ZNF407: variants seen among roughly 807,000 people sequenced by gnomAD.
The protein encoded by ZNF407 is zinc finger protein 407.
A neutral mutation model predicts 131.2 loss-of-function variants in ZNF407; 17 were observed. The ratio of observed to expected loss-of-function variants is 0.13; its 90% CI spans 0.09 to 0.19. The LOEUF (loss-of-function observed/expected upper bound fraction) is 0.19, where lower values mean the gene tolerates loss of function less well. Among genes scored for constraint, ZNF407 ranks in the 10% least tolerant of loss-of-function variants. The probability of loss-of-function intolerance (pLI) is 1.00; values close to 1 mark genes in which losing one functional copy is unlikely to be tolerated. For missense variants in ZNF407, 2,681 were observed against 2,830.6 expected (o/e 0.95, Z 1.20); for synonymous variants, 1,156 against 1,062.0 (o/e 1.09, Z -1.72).
Position 74,769,242 on chromosome 18 carries a change from G to A in ZNF407, c.4803-12186G>A, listed in dbSNP as rs182275058. On this transcript the variant is annotated intron_variant, in intron 3 of 8. Coordinates refer to ENST00000299687, the MANE Select transcript of ZNF407 (RefSeq NM_017757.3). ...ATTCTTTTATGGCCTACTGTCAAAT[G>A]ATTTAATATACCAAGCACATCTGTG... is the stretch of plus-strand genomic sequence containing the variant. 2.1e-4 allele frequency among the ~76,000 whole-genome samples: 32 copies of A among 152,278 alleles called. No homozygotes were observed. The East Asian group carries it at 5.2e-3, about 25-fold the overall frequency.
chr18:74,767,368 A>G (rs1969258885), intron 3 of ZNF407, among the ~76,000 whole-genome samples: 2 of 152,268 alleles, frequency 1.3e-5, no homozygotes, highest in Non-Finnish European at 2.9e-5. Context: ...GATGATGATG[A>G]TCTTCCGGAA....
intron 1 of ZNF407, among the ~76,000 whole-genome samples, chr18:74,608,553 G>T (rs1282417767): frequency 6.6e-6 from 1 of 151,998 alleles, no homozygotes; most frequent in Non-Finnish European, 1.5e-5. Flanking sequence ...CTCCATGTTG[G>T]CCAGGCGGGT....
chr18:74,980,727 A>AT (rs1490586462), intron 8 of ZNF407, among the ~76,000 whole-genome samples: 2 of 152,198 alleles, frequency 1.3e-5, no homozygotes, highest in East Asian at 1.9e-4. Context: ...GAGTGACATG[A>AT]TTTTTTTACA....
At chr18:74,957,859 C>A (rs2044122543) in intron 8 of ZNF407, among the ~76,000 whole-genome samples, 1 of 152,208 alleles carries the variant, frequency 6.6e-6, no homozygotes, top group Non-Finnish European at 1.5e-5. Flanking sequence ...AGCGGCAGCC[C>A]TCCAGGGTAA....
intron 4 of ZNF407, among the ~76,000 whole-genome samples, chr18:74,806,265 G>A (rs922236128): frequency 9.2e-5 from 14 of 152,184 alleles, no homozygotes; most frequent in African/African-American, 3.4e-4. Flanking sequence ...GGCTAATGTT[G>A]ATTGTCTTTA....
intron 4 of ZNF407, among the ~76,000 whole-genome samples, chr18:74,841,696 G>A (rs1360136742): frequency 6.6e-6 from 1 of 152,204 alleles, no homozygotes; most frequent in Non-Finnish European, 1.5e-5. Context: ...AAGAGAGAAA[G>A]GGATTTGTTT....
At chr18:74,884,870 G>A (rs1482417882) in intron 6 of ZNF407, among the ~76,000 whole-genome samples, 1 of 152,120 alleles carries the variant, frequency 6.6e-6, no homozygotes. Context: ...ATTGACTTAG[G>A]CAGTGGAGTT....
chr18:74,946,928 C>T (rs992158195), intron 8 of ZNF407, among the ~76,000 whole-genome samples: 3 of 152,140 alleles, frequency 2.0e-5, no homozygotes, highest in African/African-American at 7.2e-5. Context: ...GATAGACTTT[C>T]TGGTTAATAC....
intron 8 of ZNF407, among the ~76,000 whole-genome samples, chr18:74,980,411 T>C (rs1270423767): frequency 6.6e-6 from 1 of 152,018 alleles, no homozygotes; most frequent in Admixed American, 6.6e-5. Flanking sequence ...TTCAAGGGAT[T>C]CCCCTGCCTC....
chr18:74,924,860 A>G (rs546226195), intron 8 of ZNF407, among the ~76,000 whole-genome samples: 1 of 152,274 alleles, frequency 6.6e-6, no homozygotes, highest in East Asian at 1.9e-4. Flanking sequence ...TTACGGCTCA[A>G]GGAGCTTGTT....
chr18:74,823,006 G>A lies in ZNF407; in HGVS notation c.4877+41504G>A, dbSNP rs147170653. Among the ~76,000 whole-genome samples, 61 of 152,174 alleles carry A rather than the reference G, an allele frequency of 4.0e-4. 2 individuals carry two copies. In the East Asian group the frequency reaches 0.012, roughly 29 times the overall value. On this transcript the variant is annotated intron_variant, in intron 4 of 8. Coordinates refer to ENST00000299687, the MANE Select transcript of ZNF407 (RefSeq NM_017757.3). Reference sequence around the variant, plus strand: ...ACATCCCTTGTTAGTTGTATTCCTAGGTATTTTATTCTCTTTGTAGCGATT... The same window carrying A: ...ACATCCCTTGTTAGTTGTATTCCTAAGTATTTTATTCTCTTTGTAGCGATT...
intron 8 of ZNF407, among the ~76,000 whole-genome samples, chr18:75,060,856 C>T (rs1973625000): frequency 6.6e-6 from 1 of 152,202 alleles, no homozygotes; most frequent in Non-Finnish European, 1.5e-5. Flanking sequence ...TCACACTTTA[C>T]AGAGTTGCCT....
intron 4 of ZNF407, among the ~76,000 whole-genome samples, chr18:74,863,652 C>T (rs1018326788): frequency 6.6e-6 from 1 of 152,146 alleles, no homozygotes; most frequent in African/African-American, 2.4e-5. Flanking sequence ...AAGGATTTTT[C>T]AGACTGCAGC....
In ZNF407 at chr18:74,676,814, G is replaced by A. The variant is rs1337597753; in HGVS notation, c.4802+35692G>A. Among the ~76,000 whole-genome samples the A allele has an allele frequency of 5.3e-5, 8 of 152,230 alleles. No individual in the cohort carries two copies. In the South Asian group the frequency reaches 8.3e-4, roughly 16 times the overall value. ...TGACACTCTTGTGAGGGCTTATAGC[G>A]TAATCTGAAAGATTATCAGTTTATC... On this transcript the variant is annotated intron_variant, in intron 3 of 8. Coordinates refer to ENST00000299687, the MANE Select transcript of ZNF407 (RefSeq NM_017757.3).
intron 8 of ZNF407, among the ~76,000 whole-genome samples, chr18:74,947,904 A>G (rs1472353807): frequency 6.6e-6 from 1 of 152,006 alleles, no homozygotes; most frequent in Non-Finnish European, 1.5e-5. Flanking sequence ...TCTCCTTTTT[A>G]TTGTCTTTTA....
intron 7 of ZNF407, among the ~76,000 whole-genome samples, chr18:74,891,187 T>C (rs182521453): frequency 2.0e-5 from 3 of 152,242 alleles, no homozygotes; most frequent in Non-Finnish European, 2.9e-5. Flanking sequence ...AAGAGTGAGA[T>C]TGGACCCCAT....
At chr18:74,999,704 A>T (rs80121877) in intron 8 of ZNF407, among the ~76,000 whole-genome samples, 8,902 of 152,306 alleles carry the variant, frequency 0.058, 845 homozygotes, top group African/African-American at 0.2. Flanking sequence ...GAATAAATTT[A>T]TATGAATATG....
chr18:74,852,183 AC>A (rs1568241490), intron 4 of ZNF407, among the ~76,000 whole-genome samples: 1 of 116,168 alleles, frequency 8.6e-6, no homozygotes, highest in Non-Finnish European at 1.9e-5. Context: ...ACACACACAC[AC>A]ACACACACAC....
In ZNF407 at chr18:74,633,818, G is replaced by T. The variant is rs1330122835; in HGVS notation, c.2799G>T (p.Lys933Asn). 6.2e-7 allele frequency: 1 copy of T among 1,613,950 alleles called. No homozygotes were observed. Among genetic ancestry groups the T allele is most frequent in the African/African-American group, 1.3e-5 (1 of 75,040 alleles). ...PEGGSLEAGKKNAGSAVTMSD... is the reference protein window; with the variant it reads ...PEGGSLEAGKNNAGSAVTMSD... The stretch of plus-strand genomic sequence containing the variant: ...GGGGTAGCCTTGAAGCTGGTAAAAA[G>T]AATGCTGGCTCAGCAGTGACCATGT... Residue 933 changes from lysine to asparagine, a missense_variant, in exon 2 of 9, where the codon AAG becomes AAT. By Grantham distance (94) the Lys-to-Asn change is moderately conservative. Around this residue, in one of 6 missense-constraint regions of ZNF407, gnomAD observed 1,789 missense variants for 1,748.7 expected, o/e 1.02. Transcript: ENST00000299687.
Sources: allele counts gnomAD v4.1 joint callset (sites outside exome capture counted in the v4.1 genomes callset), GRCh38; gene constraint gnomAD v4.1.1; regional missense constraint gnomAD v4.1.1; transcripts MANE v1.5; gene names NCBI Gene and HGNC (gene_info 2026-07-23, HGNC 2026-07-21).